The following INPP5A variants were observed in gnomAD, a reference collection of about 807,000 sequenced individuals.
The protein encoded by INPP5A is 43 kDa inositol polyphosphate 5-phophatase.
A neutral mutation model predicts 65.2 loss-of-function variants in INPP5A; 14 were observed. The observed-to-expected ratio is 0.21, with a 90% CI of 0.14 to 0.34. The LOEUF is 0.34. Ranked by LOEUF, INPP5A falls within the 10% of genes least tolerant of loss-of-function variation. The pLI, the probability that INPP5A is intolerant of heterozygous loss-of-function variation, is 1.00. For missense variants in INPP5A, 431 were observed against 545.6 expected (o/e 0.79, Z 2.09); for synonymous variants, 207 against 208.3 (o/e 0.99, Z 0.05).
At chr10:132,548,765 T>A (rs957220622) in intron 1 of INPP5A, among the ~76,000 whole-genome samples, 2 of 151,780 alleles carry the variant, frequency 1.3e-5, no homozygotes, top group Admixed American at 6.6e-5. Context: ...TGTATTGATA[T>A]GCTTTGCATA....
chr10:132,622,961 C>T (rs909885031), intron 2 of INPP5A, among the ~76,000 whole-genome samples: 2 of 151,770 alleles, frequency 1.3e-5, no homozygotes, highest in Non-Finnish European at 2.9e-5. Context: ...CGTCCGTGTT[C>T]GTGGATTGGA....
At chr10:132,680,980 C>T (rs2073035512) in intron 4 of INPP5A, among the ~76,000 whole-genome samples, 1 of 152,244 alleles carries the variant, frequency 6.6e-6, no homozygotes, top group South Asian at 2.1e-4. Context: ...CCGACGAGCT[C>T]CGCCCCCTGC....
intron 9 of INPP5A, among the ~76,000 whole-genome samples, chr10:132,749,281 G>A (rs1030474712): frequency 6.6e-6 from 1 of 152,266 alleles, no homozygotes; most frequent in East Asian, 1.9e-4. Flanking sequence ...CAGCTCCGGG[G>A]TGTCCTCACG....
At chr10:132,552,514 A>T (rs2071068620) in intron 1 of INPP5A, among the ~76,000 whole-genome samples, 1 of 131,270 alleles carries the variant, frequency 7.6e-6, no homozygotes, top group Non-Finnish European at 1.6e-5. Flanking sequence ...ATAGGGAGGG[A>T]GGATTGGTGA....
chr10:132,583,860 T>G (rs972819505), intron 1 of INPP5A, among the ~76,000 whole-genome samples: 1 of 152,136 alleles, frequency 6.6e-6, no homozygotes, highest in Non-Finnish European at 1.5e-5. Context: ...GGGGGGCGGA[T>G]AGCTTGAGCC....
At chr10:132,780,224 G>C (rs890905824) in intron 13 of INPP5A, among the ~76,000 whole-genome samples, 1 of 152,204 alleles carries the variant, frequency 6.6e-6, no homozygotes, top group Admixed American at 6.5e-5. Context: ...AACCAGAGCC[G>C]AGTGCTGACC....
At chr10:132,772,965 G>C (rs1340008239) in intron 12 of INPP5A, among the ~76,000 whole-genome samples, 1 of 152,254 alleles carries the variant, frequency 6.6e-6, no homozygotes, top group Non-Finnish European at 1.5e-5. Flanking sequence ...AGCCGCCGCT[G>C]CGCACAGCTC....
rs2073036911 is a variant in INPP5A at position 132,681,043 on chromosome 10, A to G, written c.307-9349A>G. On this transcript the variant is annotated intron_variant, in intron 4 of 15. Coordinates refer to ENST00000368594, the MANE Select transcript of INPP5A (RefSeq NM_005539.5). ...CCAAGGGCTTGAGGAGTGCGGGCGCACAGCGCGGGACTGGCAGGCAGCTCC... is the reference window on the plus strand; with the variant it reads ...CCAAGGGCTTGAGGAGTGCGGGCGCGCAGCGCGGGACTGGCAGGCAGCTCC... Among the ~76,000 whole-genome samples, 3 of 152,240 alleles carry G rather than the reference A, an allele frequency of 2.0e-5. No homozygotes were observed. The South Asian group carries it at 6.2e-4, about 31-fold the overall frequency.
intron 8 of INPP5A, among the ~76,000 whole-genome samples, chr10:132,719,091 G>C (rs1354575179): frequency 2.0e-5 from 3 of 148,430 alleles, no homozygotes; most frequent in Non-Finnish European, 1.5e-5. Flanking sequence ...GTGGTACCTG[G>C]GTTCTGTCTG....
intron 11 of INPP5A, among the ~76,000 whole-genome samples, chr10:132,754,174 C>T (rs1846547491): frequency 6.6e-6 from 1 of 152,254 alleles, no homozygotes; most frequent in Non-Finnish European, 1.5e-5. Context: ...CCCCCGCCAC[C>T]TGGCCGCCAT....
rs1368729127 is a variant in INPP5A at position 132,675,941 on chromosome 10, TA to T, written c.307-14450del. Among the ~76,000 whole-genome samples, 3 of 152,220 alleles carry T rather than the reference TA, an allele frequency of 2.0e-5. No homozygotes were observed. Among genetic ancestry groups the T allele is most frequent in the Admixed American group, 1.3e-4 (2 of 15,288 alleles). On this transcript the variant is annotated intron_variant, in intron 4 of 15. Transcript: ENST00000368594. This position sits in a 1 kb window ranked among gnomAD's most constrained non-coding sequence, Gnocchi z 4.2. ...ATAACCAGTTTCTCCAGAACATGTA[TA>T]CATGAAATGTAATTGAAAAGCTAAT...
At chr10:132,607,714 C>T (rs986647308) in intron 1 of INPP5A, among the ~76,000 whole-genome samples, 1 of 152,340 alleles carries the variant, frequency 6.6e-6, no homozygotes, top group African/African-American at 2.4e-5. Flanking sequence ...CCTGGGACAG[C>T]ACAGAGCGGA....
At chr10:132,609,371 C>T (rs1042791937) in intron 2 of INPP5A, among the ~76,000 whole-genome samples, 4 of 152,310 alleles carry the variant, frequency 2.6e-5, no homozygotes, top group Admixed American at 6.5e-5. Flanking sequence ...TTATGTCAAC[C>T]GCACGTCGGG....
intron 1 of INPP5A, among the ~76,000 whole-genome samples, chr10:132,591,249 TA>T (rs1167786010): frequency 6.6e-6 from 1 of 152,000 alleles, no homozygotes; most frequent in Non-Finnish European, 1.5e-5. Flanking sequence ...TGCCAAAGTT[TA>T]AAAAAAGTTA....
chr10:132,687,968 T>C (rs1261680338), intron 4 of INPP5A, among the ~76,000 whole-genome samples: 1 of 152,158 alleles, frequency 6.6e-6, no homozygotes, highest in Non-Finnish European at 1.5e-5. Context: ...AGCTGTGTCA[T>C]CCCCAAGGTG....
intron 2 of INPP5A, among the ~76,000 whole-genome samples, chr10:132,645,569 A>AT (rs1248148902): frequency 1.3e-5 from 2 of 152,184 alleles, no homozygotes; most frequent in African/African-American, 4.8e-5. Context: ...CACGCATAAC[A>AT]TTTTTTTAAC....
intron 9 of INPP5A, among the ~76,000 whole-genome samples, chr10:132,732,221 T>C (rs1846099515): frequency 3.9e-5 from 6 of 152,242 alleles, no homozygotes; most frequent in Admixed American, 3.9e-4. Flanking sequence ...TGTCTGCCAT[T>C]TGCAAAGGAA....
chr10:132,757,277 G>A (rs966719095), intron 11 of INPP5A, among the ~76,000 whole-genome samples: 5 of 152,142 alleles, frequency 3.3e-5, no homozygotes, highest in Non-Finnish European at 7.4e-5. Context: ...GCTCACCCCC[G>A]CCCGCTCACC....
chr10:132,660,223 C>T (rs1358533955), intron 4 of INPP5A, among the ~76,000 whole-genome samples: 1 of 152,208 alleles, frequency 6.6e-6, no homozygotes, highest in Non-Finnish European at 1.5e-5. Flanking sequence ...AAATCCTCTT[C>T]TTCCAGCATG....
Sources: gnomAD v4.1 joint callset for allele counts (sites outside exome capture counted in the v4.1 genomes callset) on GRCh38, gnomAD v4.1.1 for gene constraint, Gnocchi (gnomAD v3.1) non-coding constraint, MANE v1.5 for transcripts, NCBI Gene and HGNC (gene_info 2026-07-23, HGNC 2026-07-21) for gene names.